The following OPCML variants were observed in gnomAD, a reference collection of about 807,000 sequenced individuals.
OPCML encodes opioid binding protein/cell adhesion molecule like.
In OPCML, 13 loss-of-function variants were observed where a neutral mutation model predicts 37.8. The observed-to-expected ratio is 0.34, with a 90% CI of 0.22 to 0.55. OPCML has a LOEUF of 0.55. Ranked by LOEUF, OPCML falls within the 20% of genes least tolerant of loss-of-function variation. OPCML has a pLI of 0.91. For missense variants in OPCML, 341 were observed against 435.6 expected, an observed-to-expected ratio of 0.78 and a Z score of 1.93; for synonymous variants, 176 against 168.8, an observed-to-expected ratio of 1.04 and a Z score of -0.33.
chr11:133,382,419 C>T (rs1027826148), intron 1 of OPCML, among the ~76,000 whole-genome samples: 1 of 152,164 alleles, frequency 6.6e-6, no homozygotes, highest in African/African-American at 2.4e-5. Flanking sequence ...GGGGCATTGG[C>T]CAATCATCTT....
At chr11:133,364,545 G>T (rs550800981) in intron 1 of OPCML, among the ~76,000 whole-genome samples, 1 of 152,136 alleles carries the variant, frequency 6.6e-6, no homozygotes, top group Non-Finnish European at 1.5e-5. Flanking sequence ...CAGTGATTGC[G>T]TGATTATGGA....
intron 1 of OPCML, among the ~76,000 whole-genome samples, chr11:132,991,351 T>C (rs1282244659): frequency 1.3e-5 from 2 of 152,204 alleles, no homozygotes; most frequent in East Asian, 1.9e-4. Flanking sequence ...AAATGCAATA[T>C]ACAAGCCCCT....
At chr11:132,453,377 G>T (rs1048233727) in intron 4 of OPCML, among the ~76,000 whole-genome samples, 1 of 152,110 alleles carries the variant, frequency 6.6e-6, no homozygotes, top group African/African-American at 2.4e-5. Flanking sequence ...GTATTGAATC[G>T]CTGACATCTC....
chr11:132,497,390 C>T (rs901277813), intron 4 of OPCML, among the ~76,000 whole-genome samples: 14 of 149,574 alleles, frequency 9.4e-5, no homozygotes, highest in African/African-American at 3.5e-4. Flanking sequence ...GGCACATGTA[C>T]CCCTGAACTT....
At chr11:132,734,408 G>A (rs1171820449) in intron 2 of OPCML, among the ~76,000 whole-genome samples, 2 of 152,182 alleles carry the variant, frequency 1.3e-5, no homozygotes, top group African/African-American at 4.8e-5. Flanking sequence ...GAGGAAGCCA[G>A]ACACCACTTT....
At chr11:132,844,721 G>T (rs1490573926) in intron 2 of OPCML, among the ~76,000 whole-genome samples, 1 of 152,024 alleles carries the variant, frequency 6.6e-6, no homozygotes, top group African/African-American at 2.4e-5. Context: ...GCATGAAAAA[G>T]AACTACAGAA....
intron 3 of OPCML, among the ~76,000 whole-genome samples, chr11:132,623,566 C>T (rs577835847): frequency 1.3e-5 from 2 of 152,182 alleles, no homozygotes; most frequent in East Asian, 1.9e-4. Flanking sequence ...GGTATAACAT[C>T]GTTATTTTCA....
chr11:132,736,406 G>A (rs78514767), intron 2 of OPCML, among the ~76,000 whole-genome samples: 5 of 152,252 alleles, frequency 3.3e-5, no homozygotes, highest in Middle Eastern at 3.4e-3. Context: ...TGCATTTTAC[G>A]TTTTGGAGGA....
chr11:132,839,940 G>C (rs1941218244), intron 2 of OPCML, among the ~76,000 whole-genome samples: 1 of 152,126 alleles, frequency 6.6e-6, no homozygotes, highest in South Asian at 2.1e-4. Flanking sequence ...CTTCGGCTTT[G>C]TAAATAGCCA....
At chr11:133,370,181 A>G (rs1447304624) in intron 1 of OPCML, among the ~76,000 whole-genome samples, 1 of 152,208 alleles carries the variant, frequency 6.6e-6, no homozygotes, top group African/African-American at 2.4e-5. Flanking sequence ...ATGTTAGGTA[A>G]GGAGCATTAA....
intron 1 of OPCML, among the ~76,000 whole-genome samples, chr11:132,967,768 G>A (rs934933951): frequency 6.6e-6 from 1 of 152,096 alleles, no homozygotes; most frequent in Non-Finnish European, 1.5e-5. Context: ...ACTCTCTAGA[G>A]TCCCTTTCTT....
At chr11:132,950,693 A>G (rs1350266105) in intron 1 of OPCML, among the ~76,000 whole-genome samples, 1 of 152,196 alleles carries the variant, frequency 6.6e-6, no homozygotes, top group Non-Finnish European at 1.5e-5. Flanking sequence ...CATATTATCC[A>G]TGGAACCCTC....
intron 4 of OPCML, among the ~76,000 whole-genome samples, chr11:132,493,879 C>T (rs1335547780): frequency 6.6e-6 from 1 of 152,240 alleles, no homozygotes; most frequent in Non-Finnish European, 1.5e-5. Flanking sequence ...TGCCCCTACC[C>T]TGCTCCCATG....
At chr11:133,039,983 CACACCACTGCACTACAGCCTGAGTG>C in intron 1 of OPCML, among the ~76,000 whole-genome samples, 1 of 151,688 alleles carries the variant, frequency 6.6e-6, no homozygotes. Flanking sequence ...GAGCCAAGAT[CACACCACTGCACTACAGCCTGAGTG>C]ACAGCACGAG....
chr11:133,134,761 C>A (rs889368233), intron 1 of OPCML, among the ~76,000 whole-genome samples: 2 of 152,132 alleles, frequency 1.3e-5, no homozygotes, highest in Non-Finnish European at 2.9e-5. Context: ...CCAGGTGGTG[C>A]TGTTCTCCCT....
intron 3 of OPCML, among the ~76,000 whole-genome samples, chr11:132,602,551 T>C (rs912803253): frequency 6.6e-6 from 1 of 152,192 alleles, no homozygotes; most frequent in African/African-American, 2.4e-5. Context: ...TGAGTAACCA[T>C]GATCAGCAGT....
chr11:133,509,038 T>C (rs1948099184), intron 1 of OPCML, among the ~76,000 whole-genome samples: 1 of 152,184 alleles, frequency 6.6e-6, no homozygotes. Flanking sequence ...GGCACAGTGC[T>C]GAAGCACTGT....
chr11:133,189,571 A>G (rs911146357), intron 1 of OPCML, among the ~76,000 whole-genome samples: 1 of 152,196 alleles, frequency 6.6e-6, no homozygotes, highest in African/African-American at 2.4e-5. Flanking sequence ...TCCATCTCTC[A>G]TCTTGTTTAG....
chr11:133,393,740 T>C (rs1169961422), intron 1 of OPCML, among the ~76,000 whole-genome samples: 1 of 152,158 alleles, frequency 6.6e-6, no homozygotes, highest in Non-Finnish European at 1.5e-5. Flanking sequence ...ATCTTCAGGG[T>C]ATTTTTACTT....
Sources: gnomAD v4.1 joint callset for allele counts (sites outside exome capture counted in the v4.1 genomes callset) on GRCh38, gnomAD v4.1.1 for gene constraint, MANE v1.5 for transcripts, NCBI Gene and HGNC (gene_info 2026-07-23, HGNC 2026-07-21) for gene names.